The following TBC1D1 variants were observed in gnomAD, a reference collection of about 807,000 sequenced individuals.
TBC1D1 encodes TBC1 (tre-2/USP6, BUB2, cdc16) domain family, member 1.
In TBC1D1, 89 loss-of-function variants were observed where a neutral mutation model predicts 125.6. The ratio of observed to expected loss-of-function variants is 0.71; its 90% CI spans 0.60 to 0.85. TBC1D1 has a LOEUF of 0.85. Ranked by LOEUF, TBC1D1 falls within the 40% of genes least tolerant of loss-of-function variation. TBC1D1 has a pLI of 0.00. For missense variants in TBC1D1, 1,377 were observed against 1,469.2 expected, an observed-to-expected ratio of 0.94 and a Z score of 1.03; for synonymous variants, 565 against 564.1, an observed-to-expected ratio of 1.00 and a Z score of -0.02.
In TBC1D1 at chr4:38,014,676, G is replaced by C. The variant is rs1251719749; in HGVS notation, c.585G>C (p.Glu195Asp). Reference sequence around the variant, plus strand: ...AGGCTCCGCCGGCCCTGATCGACGAGTGCATCGAGAAGTTCAATCACGTCA... The same window carrying C: ...AGGCTCCGCCGGCCCTGATCGACGACTGCATCGAGAAGTTCAATCACGTCA... The change falls in exon 3 of 20, where the codon GAG becomes GAC. Residue 195 changes from glutamate to aspartate, a missense_variant. Glu to Asp is a conservative substitution (Grantham distance 45). This residue lies in a region of TBC1D1 where 822 missense variants were observed against 824.6 expected (regional missense o/e 1.00). Coordinates refer to ENST00000261439, the MANE Select transcript of TBC1D1 (RefSeq NM_015173.4). This position sits in a 1 kb window ranked among gnomAD's most constrained non-coding sequence, Gnocchi z 5.1. 3.7e-6 allele frequency: 6 copies of C among 1,613,086 alleles called. No homozygotes were observed. Among genetic ancestry groups the C allele is most frequent in the African/African-American group, 2.7e-5 (2 of 74,942 alleles).
In TBC1D1 at chr4:37,995,882, T is replaced by G; in HGVS notation, c.418-18627T>G. 1 of 580,828 alleles carries G rather than the reference T, an allele frequency of 1.7e-6. No individual in the cohort carries two copies. The highest frequency in any genetic ancestry group is 3.4e-6 in the Non-Finnish European group (1 of 295,006). 36.0% of individuals were successfully genotyped at this position (580,828 alleles called of 1,614,324 possible). A position where few individuals can be genotyped will look rare whatever the true frequency, so the allele number is the denominator to read the frequency against. The stretch of plus-strand genomic sequence containing the variant: ...TGCATTTCTCTTTGAGAATCCAGAC[T>G]TCTGGCTTAACCATGGCAAGCAGCG... On this transcript the variant is annotated intron_variant, in intron 2 of 19. Coordinates refer to ENST00000261439, the MANE Select transcript of TBC1D1 (RefSeq NM_015173.4). The surrounding 1 kb of genome is among the most constrained non-coding windows in gnomAD (Gnocchi z 4.3).
chr4:37,958,474 C>G (rs1729335025), intron 2 of TBC1D1, among the ~76,000 whole-genome samples: 1 of 152,090 alleles, frequency 6.6e-6, no homozygotes, highest in African/African-American at 2.4e-5. Context: ...GTTTCTTTTG[C>G]CTGGGGAGAT....
At chr4:37,933,056 C>CA (rs59808298) in intron 2 of TBC1D1, among the ~76,000 whole-genome samples, 1 of 146,858 alleles carries the variant, frequency 6.8e-6, no homozygotes, top group Non-Finnish European at 1.5e-5. Flanking sequence ...CATTTAAAAA[C>CA]AAAAAAACAA....
intron 3 of TBC1D1, among the ~76,000 whole-genome samples, chr4:38,017,118 A>C (rs1742912032): frequency 6.6e-6 from 1 of 152,200 alleles, no homozygotes. Context: ...TGCTCTTTAC[A>C]ACCCAGCCAT....
At chr4:37,990,003 A>C (rs1046336023) in intron 2 of TBC1D1, among the ~76,000 whole-genome samples, 5 of 152,218 alleles carry the variant, frequency 3.3e-5, no homozygotes, top group Non-Finnish European at 5.9e-5. Context: ...CAGAATTTAT[A>C]ATTGTAGGAC....
intron 10 of TBC1D1, among the ~76,000 whole-genome samples, chr4:38,048,592 C>A (rs1749909332): frequency 7.4e-6 from 1 of 134,670 alleles, no homozygotes; most frequent in Non-Finnish European, 1.6e-5. Context: ...ACCTAAAAGG[C>A]ACTCAACTGT....
In TBC1D1 at chr4:38,115,160, G is replaced by T. The variant is rs113608900; in HGVS notation, c.2558-550G>T. On this transcript the variant is annotated intron_variant, in intron 15 of 19. Transcript: ENST00000261439. ...TTGTCTCCCAGGCTGGAGTGCAGTG[G>T]CATGATCTCAGCTCACTGCCATCTC... Among the ~76,000 whole-genome samples the T allele has an allele frequency of 1.3e-5, 2 of 149,926 alleles. 1 individual carries two copies. The highest frequency in any genetic ancestry group is 4.2e-4 in the South Asian group (2 of 4,770).
At position 38,053,244 on chromosome 4, in the gene TBC1D1, A is replaced by G; in HGVS notation, c.1911-955A>G. On this transcript the variant is annotated intron_variant, in intron 11 of 19. Coordinates refer to ENST00000261439, the MANE Select transcript of TBC1D1 (RefSeq NM_015173.4). ...CAAAAAGGTAGGGCTTAATTTAGAT[A>G]TATCAAGCCTGGGTGTTACTAAGTG... The G allele has an allele frequency of 1.4e-6, 2 of 1,478,992 alleles. No homozygotes were observed. Among genetic ancestry groups the G allele is most frequent in the Non-Finnish European group, 1.8e-6 (2 of 1,115,774 alleles). The allele number at this position is 1,478,992 out of a possible 1,614,324, so 91.6% of individuals were successfully genotyped here.
At chr4:37,915,594 C>T (rs1165852362) in intron 2 of TBC1D1, among the ~76,000 whole-genome samples, 2 of 152,214 alleles carry the variant, frequency 1.3e-5, no homozygotes, top group Non-Finnish European at 2.9e-5. Context: ...TTGCTTTACT[C>T]AGCCTGCTAA....
At chr4:37,990,066 G>C (rs1736242641) in intron 2 of TBC1D1, among the ~76,000 whole-genome samples, 1 of 152,228 alleles carries the variant, frequency 6.6e-6, no homozygotes, top group South Asian at 2.1e-4. Context: ...TCTTTTTAAA[G>C]GGTGGGCCCA....
chr4:37,944,396 C>T (rs923903937), intron 2 of TBC1D1, among the ~76,000 whole-genome samples: 2 of 152,238 alleles, frequency 1.3e-5, no homozygotes, highest in African/African-American at 4.8e-5. Flanking sequence ...GCAGAGGTTT[C>T]TGCTGCCTTT....
At chr4:38,018,179 C>T (rs1743222769) in intron 3 of TBC1D1, among the ~76,000 whole-genome samples, 175 bp from the exon 4 acceptor site, 1 of 152,104 alleles carries the variant, frequency 6.6e-6, no homozygotes, top group Non-Finnish European at 1.5e-5. Context: ...TAGGTGAAGG[C>T]ACTAATAGAT....
At chr4:38,017,579 A>G (rs1578286466) in intron 3 of TBC1D1, among the ~76,000 whole-genome samples, 1 of 152,334 alleles carries the variant, frequency 6.6e-6, no homozygotes, top group East Asian at 1.9e-4. Flanking sequence ...AAGCTTGTGT[A>G]TCTGATTTGT....
Position 37,895,458 on chromosome 4 carries a change from C to T in TBC1D1, c.-94+4110C>T, listed in dbSNP as rs559879104. On this transcript the variant is annotated intron_variant, in intron 1 of 19. Coordinates refer to ENST00000261439, the MANE Select transcript of TBC1D1 (RefSeq NM_015173.4). ...ATGACTCGTGCCTGTAATCCCAGCA[C>T]TTTGGGAGGCCGAGGCTGGCAGATC... Among the ~76,000 whole-genome samples, 4 of 152,266 alleles carry T rather than the reference C, an allele frequency of 2.6e-5. No individual in the cohort carries two copies. In the East Asian group the frequency reaches 7.7e-4, roughly 29 times the overall value.
At chr4:37,991,873 G>A (rs1461269386) in intron 2 of TBC1D1, among the ~76,000 whole-genome samples, 1 of 152,144 alleles carries the variant, frequency 6.6e-6, no homozygotes, top group South Asian at 2.1e-4. Flanking sequence ...TGATTCAAAG[G>A]TCCCATCCAG....
intron 12 of TBC1D1, among the ~76,000 whole-genome samples, chr4:38,063,946 T>G (rs1275957336): frequency 1.3e-5 from 2 of 152,206 alleles, no homozygotes; most frequent in East Asian, 3.9e-4. Context: ...TTGAAACATT[T>G]TTTGTCCCCC....
chr4:38,052,627 A>G (rs1386332395), intron 11 of TBC1D1, among the ~76,000 whole-genome samples: 1 of 151,506 alleles, frequency 6.6e-6, no homozygotes, highest in African/African-American at 2.4e-5. Context: ...GAGCCACTGC[A>G]CCCTGCTGCA....
intron 10 of TBC1D1, among the ~76,000 whole-genome samples, chr4:38,048,541 CTTT>C (rs545432990): frequency 2.3e-5 from 3 of 131,892 alleles, no homozygotes; most frequent in Non-Finnish European, 1.7e-5. Context: ...AAACACATTT[CTTT>C]TTTTTTTTTT....
At chr4:38,048,329 A>G (rs1289980975) in intron 10 of TBC1D1, among the ~76,000 whole-genome samples, 1 of 152,164 alleles carries the variant, frequency 6.6e-6, no homozygotes, top group Non-Finnish European at 1.5e-5. Flanking sequence ...AAGAATTTAG[A>G]TCAACAGGTT....
Sources: allele counts gnomAD v4.1 joint callset (sites outside exome capture counted in the v4.1 genomes callset), GRCh38; gene constraint gnomAD v4.1.1; regional missense constraint gnomAD v4.1.1; non-coding constraint Gnocchi (gnomAD v3.1); transcripts MANE v1.5; gene names NCBI Gene and HGNC (gene_info 2026-07-23, HGNC 2026-07-21).